COL22A1: variants seen among roughly 807,000 people sequenced by gnomAD.
COL22A1 encodes the protein collagen alpha-1(XXII) chain.
Under a neutral mutation model 248.9 loss-of-function variants are expected in COL22A1, and 221 were observed. The ratio of observed to expected loss-of-function variants is 0.89; its 90% CI spans 0.80 to 0.99. The LOEUF (loss-of-function observed/expected upper bound fraction) is 0.99. COL22A1 is among the 50% of genes least tolerant of loss of function. COL22A1 has a pLI of 0.00. For synonymous variants in COL22A1, 891 were observed against 793.4 expected (o/e 1.12, Z -2.07); for missense variants, 2,240 against 2,179.0 (o/e 1.03, Z -0.56).
intron 5 of COL22A1, among the ~76,000 whole-genome samples, chr8:138,832,344 G>A (rs1820109148): frequency 6.6e-6 from 1 of 152,116 alleles, no homozygotes; most frequent in Non-Finnish European, 1.5e-5. Flanking sequence ...TCTTGCACGA[G>A]ATCCAAGAAC....
At chr8:138,646,790 A>T in intron 46 of COL22A1, 108 bp from the exon 47 acceptor site, 1 of 783,480 alleles carries the variant, frequency 1.3e-6, no homozygotes, top group Non-Finnish European at 2.0e-6. Flanking sequence ...CTGATTTTCC[A>T]CTGGGACTTC....
intron 37 of COL22A1, among the ~76,000 whole-genome samples, chr8:138,687,364 G>A (rs573357688): frequency 2.6e-4 from 39 of 152,336 alleles, no homozygotes; most frequent in African/African-American, 7.0e-4. Flanking sequence ...TCTGGGAGAC[G>A]TGTATCTTAA....
chr8:138,766,412 A>C (rs568699571), intron 16 of COL22A1, among the ~76,000 whole-genome samples: 2 of 152,030 alleles, frequency 1.3e-5, no homozygotes, highest in East Asian at 3.9e-4. Flanking sequence ...AGGATACATG[A>C]GGGAAGGAAA....
intron 56 of COL22A1, among the ~76,000 whole-genome samples, chr8:138,613,359 C>T (rs892737390): frequency 8.5e-5 from 13 of 152,078 alleles, no homozygotes; most frequent in East Asian, 1.9e-4. Context: ...AGCCAAGGAA[C>T]GCCCTCGAGA....
intron 47 of COL22A1, among the ~76,000 whole-genome samples, chr8:138,638,190 A>T (rs1003897072): frequency 4.6e-5 from 7 of 152,230 alleles, no homozygotes; most frequent in African/African-American, 1.7e-4. Context: ...TATCTACCTT[A>T]GCTCTGCCTT....
chr8:138,645,771 C>T (rs1234281212), intron 47 of COL22A1, among the ~76,000 whole-genome samples: 1 of 152,200 alleles, frequency 6.6e-6, no homozygotes, highest in Non-Finnish European at 1.5e-5. Context: ...AATTTTATGC[C>T]ACCTCTTCTA....
chr8:138,885,222 A>G (rs1192314622), intron 1 of COL22A1, among the ~76,000 whole-genome samples: 1 of 152,166 alleles, frequency 6.6e-6, no homozygotes, highest in African/African-American at 2.4e-5. Flanking sequence ...CTGCTTCTCC[A>G]TCCTGGAACG....
chr8:138,729,801 CAG>C (rs1449834314), intron 23 of COL22A1, among the ~76,000 whole-genome samples: 1 of 152,172 alleles, frequency 6.6e-6, no homozygotes, highest in African/African-American at 2.4e-5. Context: ...GAGAGCCACA[CAG>C]TGTGGGCAGA....
chr8:138,667,999 T>TAAA (rs78973729), intron 41 of COL22A1, among the ~76,000 whole-genome samples: 1 of 143,668 alleles, frequency 7.0e-6, no homozygotes, highest in African/African-American at 2.5e-5. Flanking sequence ...TCTATCAGAC[T>TAAA]AAAAAAAAAA....
chr8:138,642,128 C>A (rs995431407), intron 47 of COL22A1, among the ~76,000 whole-genome samples: 2 of 152,160 alleles, frequency 1.3e-5, no homozygotes, highest in African/African-American at 4.8e-5. Context: ...TAAAGCATTG[C>A]ACCCCATTAG....
At chr8:138,692,186 ACGTGCAT>A (rs1827069956) in intron 35 of COL22A1, among the ~76,000 whole-genome samples, 1 of 9,160 alleles carries the variant, frequency 1.1e-4, no homozygotes, top group Non-Finnish European at 2.6e-4. Flanking sequence ...GTATGTGTGC[ACGTGCAT>A]GTGTGCATGT....
At chr8:138,832,596 C>A (rs6577953) in intron 5 of COL22A1, among the ~76,000 whole-genome samples, 3 of 151,890 alleles carry the variant, frequency 2.0e-5, no homozygotes, top group Non-Finnish European at 4.4e-5. Context: ...ATTCAGTAAT[C>A]TGTAAAGCCA....
chr8:138,748,731 G>T (rs993036830), intron 22 of COL22A1, among the ~76,000 whole-genome samples: 1 of 152,202 alleles, frequency 6.6e-6, no homozygotes, highest in African/African-American at 2.4e-5. Flanking sequence ...GTTGTGTTAA[G>T]CTCAGATCAG....
chr8:138,598,687 C>G (rs1362774212), intron 61 of COL22A1, 32 bp downstream of exon 61: 1 of 1,588,762 alleles, frequency 6.3e-7, no homozygotes, highest in African/African-American at 1.4e-5. Context: ...CCCCGAGGAG[C>G]CCCGAGTCCA....
intron 31 of COL22A1, among the ~76,000 whole-genome samples, chr8:138,702,090 A>C (rs983046835): frequency 8.5e-5 from 13 of 152,322 alleles, no homozygotes; most frequent in African/African-American, 2.9e-4. Context: ...CTGCAGGATA[A>C]ATGCCTAGAC....
In COL22A1 at chr8:138,700,293, A is replaced by C. The variant is rs1827848745; in HGVS notation, c.2560-149T>G. 7 of 742,892 alleles carry C rather than the reference A, an allele frequency of 9.4e-6. No individual in the cohort carries two copies. The East Asian group carries it at 1.9e-4, about 20-fold the overall frequency. The allele number at this position is 742,892 out of a possible 1,614,324, so 46.0% of individuals were successfully genotyped here. On this transcript the variant is annotated intron_variant, in intron 31 of 64. Coordinates refer to ENST00000303045, the MANE Select transcript of COL22A1 (RefSeq NM_152888.3). ...TATTAGTTTTGACAATTAGATTCAC[A>C]TCTTTCTTTAAAATCCCTGGCTATT...
In COL22A1 at chr8:138,878,322, G is replaced by A. The variant is rs1224380418; in HGVS notation, c.92-6C>T. On this transcript the variant is annotated splice_polypyrimidine_tract_variant and splice_region_variant and intron_variant, in intron 2 of 64. Transcript: ENST00000303045. Reference sequence around the variant, plus strand: ...GTAGTGGACACTTTTGCAACCTGCAGGGGTGAGAGAAGGGGTGGCGTAGGG... The same window carrying A: ...GTAGTGGACACTTTTGCAACCTGCAAGGGTGAGAGAAGGGGTGGCGTAGGG... 3 of 1,526,416 alleles carry A rather than the reference G, an allele frequency of 2.0e-6. No homozygotes were observed. The highest frequency in any genetic ancestry group is 1.7e-4 in the Middle Eastern group (1 of 5,754). The allele number at this position is 1,526,416 out of a possible 1,614,324, so 94.6% of individuals were successfully genotyped here. A position where few individuals can be genotyped will look rare whatever the true frequency, so the allele number is the denominator to read the frequency against.
intron 37 of COL22A1, among the ~76,000 whole-genome samples, chr8:138,688,582 G>A (rs1351663472): frequency 6.6e-6 from 1 of 152,086 alleles, no homozygotes; most frequent in Non-Finnish European, 1.5e-5. Context: ...GGTGTATAAT[G>A]GATAAGTTGG....
Position 138,695,173 on chromosome 8 carries a change from G to A in COL22A1, c.2593-294C>T, listed in dbSNP as rs143976160. On this transcript the variant is annotated intron_variant, in intron 32 of 64. Coordinates refer to ENST00000303045, the MANE Select transcript of COL22A1 (RefSeq NM_152888.3). ...GTGTACTGTGCCTTTCTCCTCCTGA[G>A]CCCTGTTATGGCCGCAGTTTTACAC... is the stretch of plus-strand genomic sequence containing the variant. 2.8e-3 allele frequency among the ~76,000 whole-genome samples: 427 copies of A among 152,274 alleles called. 3 individuals are homozygous for A. Among genetic ancestry groups the A allele is most frequent in the African/African-American group, 9.9e-3 (413 of 41,552 alleles).
Sources: allele counts gnomAD v4.1 joint callset (sites outside exome capture counted in the v4.1 genomes callset), GRCh38; gene constraint gnomAD v4.1.1; transcripts MANE v1.5; gene names NCBI Gene and HGNC (gene_info 2026-07-23, HGNC 2026-07-21).